The following LSAMP variants were observed in gnomAD, a reference collection of about 807,000 sequenced individuals.
The protein encoded by LSAMP is limbic system associated membrane protein.
In LSAMP, 7 loss-of-function variants were observed where a neutral mutation model predicts 38.6. That is an observed-to-expected ratio of 0.18 (90% CI 0.10 to 0.34). The LOEUF (loss-of-function observed/expected upper bound fraction) is 0.34. Ranked by LOEUF, LSAMP falls within the 10% of genes least tolerant of loss-of-function variation. LSAMP has a pLI of 1.00. For synonymous variants in LSAMP, 154 were observed against 166.8 expected, an observed-to-expected ratio of 0.92 and a Z score of 0.59; for missense variants, 313 against 420.0, an observed-to-expected ratio of 0.75 and a Z score of 2.23.
intron 1 of LSAMP, among the ~76,000 whole-genome samples, chr3:116,144,328 G>C (rs1709442172): frequency 6.6e-6 from 1 of 151,892 alleles, no homozygotes; most frequent in Non-Finnish European, 1.5e-5. Context: ...CTTGTGACCA[G>C]CCTGGGTAAT....
chr3:116,169,006 C>T (rs1710129372), intron 1 of LSAMP, among the ~76,000 whole-genome samples: 1 of 152,036 alleles, frequency 6.6e-6, no homozygotes, highest in African/African-American at 2.4e-5. Flanking sequence ...TTTCAGATCA[C>T]CCTGGGCAAC....
At chr3:115,925,797 A>G (rs564579860) in intron 3 of LSAMP, among the ~76,000 whole-genome samples, 10 of 152,338 alleles carry the variant, frequency 6.6e-5, no homozygotes, top group Admixed American at 2.0e-4. Flanking sequence ...GAATAATATT[A>G]TTTATTAATG....
intron 3 of LSAMP, among the ~76,000 whole-genome samples, chr3:115,969,419 C>G (rs181898862): frequency 8.5e-4 from 129 of 152,214 alleles, no homozygotes; most frequent in African/African-American, 2.7e-3. Flanking sequence ...GAGATTTAAG[C>G]CTGATCATAA....
intron 1 of LSAMP, among the ~76,000 whole-genome samples, chr3:116,353,700 T>C (rs1432390665): frequency 6.6e-6 from 1 of 152,092 alleles, no homozygotes; most frequent in Non-Finnish European, 1.5e-5. Context: ...TATAGGGATA[T>C]TATATAATAA....
At chr3:116,062,574 G>GTC (rs72101045) in intron 2 of LSAMP, among the ~76,000 whole-genome samples, 22 of 151,416 alleles carry the variant, frequency 1.5e-4, no homozygotes, top group East Asian at 3.9e-4. Flanking sequence ...GTGCAGGAGG[G>GTC]TCTCTCTCTC....
At chr3:115,929,075 A>G (rs561729647) in intron 3 of LSAMP, among the ~76,000 whole-genome samples, 2 of 150,940 alleles carry the variant, frequency 1.3e-5, no homozygotes, top group South Asian at 2.1e-4. Context: ...GGCCCTAAAT[A>G]TTACTAGATA....
chr3:116,136,490 G>T (rs1459021208), intron 1 of LSAMP, among the ~76,000 whole-genome samples: 1 of 152,026 alleles, frequency 6.6e-6, no homozygotes, highest in Non-Finnish European at 1.5e-5. Flanking sequence ...TTATTAATTC[G>T]CTTGTGTATT....
intron 6 of LSAMP, chr3:115,816,750 G>A (rs1309761552): frequency 1.1e-4 from 58 of 532,480 alleles, no homozygotes; most frequent in South Asian, 9.3e-4. Context: ...AGGCGAATAA[G>A]AGAAAAGGAG....
chr3:116,090,848 T>C (rs1248085083), intron 1 of LSAMP, among the ~76,000 whole-genome samples: 4 of 152,130 alleles, frequency 2.6e-5, no homozygotes, highest in Non-Finnish European at 5.9e-5. Context: ...TAGAATATCA[T>C]AAGGCAAGTG....
intron 2 of LSAMP, among the ~76,000 whole-genome samples, chr3:116,062,153 T>C (rs1941604921): frequency 6.6e-6 from 1 of 152,248 alleles, no homozygotes; most frequent in African/African-American, 2.4e-5. Flanking sequence ...GCTTCATTAC[T>C]TTACTGGGTC....
chr3:116,265,383 T>C (rs1212441810), intron 1 of LSAMP, among the ~76,000 whole-genome samples: 2 of 152,208 alleles, frequency 1.3e-5, no homozygotes, highest in Non-Finnish European at 2.9e-5. Context: ...TGTTCTATCA[T>C]AGCAGATTTA....
At chr3:115,898,037 G>A (rs976447825) in intron 3 of LSAMP, among the ~76,000 whole-genome samples, 1 of 152,106 alleles carries the variant, frequency 6.6e-6, no homozygotes, top group African/African-American at 2.4e-5. Flanking sequence ...CCCTCCTGAG[G>A]AAGTCCTAGG....
Position 115,973,772 on chromosome 3 carries a change from T to C in LSAMP, c.514+45743A>G, listed in dbSNP as rs574938030. ...TAATTTATGTTTCATATACACCTTA[T>C]ATACAGAGACTGAAGGTAATTTTAT... On this transcript the variant is annotated intron_variant, in intron 3 of 6. Coordinates refer to ENST00000490035, the MANE Select transcript of LSAMP (RefSeq NM_002338.5). Among the ~76,000 whole-genome samples, 100 of 152,282 alleles carry C rather than the reference T, an allele frequency of 6.6e-4. 1 individual carries two copies. The highest frequency in any genetic ancestry group is 2.3e-3 in the African/African-American group (94 of 41,576).
chr3:116,320,343 G>C (rs2047691483), intron 1 of LSAMP, among the ~76,000 whole-genome samples: 1 of 152,092 alleles, frequency 6.6e-6, no homozygotes, highest in Admixed American at 6.5e-5. Context: ...AATCAAGGAG[G>C]CGTAGGTTGC....
At chr3:116,195,661 A>G (rs1710865367) in intron 1 of LSAMP, among the ~76,000 whole-genome samples, 1 of 152,094 alleles carries the variant, frequency 6.6e-6, no homozygotes, top group Admixed American at 6.5e-5. Context: ...GCCCAAAAGT[A>G]AATGAATATA....
Position 116,356,389 on chromosome 3 carries a change from C to T in LSAMP, c.155+88488G>A, listed in dbSNP as rs75897981. 2.4e-4 allele frequency among the ~76,000 whole-genome samples: 36 copies of T among 152,066 alleles called. No homozygotes were observed. In the East Asian group the frequency reaches 5.4e-3, roughly 23 times the overall value. On this transcript the variant is annotated intron_variant, in intron 1 of 6. Coordinates refer to ENST00000490035, the MANE Select transcript of LSAMP (RefSeq NM_002338.5). The stretch of plus-strand genomic sequence containing the variant: ...TTAAAAATTAAAACAATTGAACTCA[C>T]GGAGATAGAGAATAGAATGATGGTT...
At chr3:116,387,749 C>T (rs1357434638) in intron 1 of LSAMP, among the ~76,000 whole-genome samples, 1 of 152,100 alleles carries the variant, frequency 6.6e-6, no homozygotes, top group East Asian at 1.9e-4. Flanking sequence ...CCACATCATA[C>T]ATGCATATAG....
intron 1 of LSAMP, among the ~76,000 whole-genome samples, chr3:116,147,792 G>A (rs74597620): frequency 0.014 from 2,120 of 152,004 alleles, 48 homozygotes; most frequent in Non-Finnish European, 0.018. Context: ...CCTCACTTAA[G>A]TTAGTCAGAT....
chr3:116,221,502 G>A (rs1166317501), intron 1 of LSAMP, among the ~76,000 whole-genome samples: 1 of 152,118 alleles, frequency 6.6e-6, no homozygotes, highest in Non-Finnish European at 1.5e-5. Flanking sequence ...CCACTCATTT[G>A]TCTGTAAAGT....
Sources: allele counts gnomAD v4.1 joint callset (sites outside exome capture counted in the v4.1 genomes callset), GRCh38; gene constraint gnomAD v4.1.1; transcripts MANE v1.5; gene names NCBI Gene and HGNC (gene_info 2026-07-23, HGNC 2026-07-21).